OXNAD1: variants seen among roughly 807,000 people sequenced by gnomAD.
The protein encoded by OXNAD1 is oxidoreductase NAD-binding domain-containing protein 1.
OXNAD1 carries 34 observed loss-of-function variants against 32.9 expected under a neutral mutation model. That is an observed-to-expected ratio of 1.03 (90% CI 0.79 to 1.38). OXNAD1 has a LOEUF of 1.38. OXNAD1 is among the 40% of genes most tolerant of loss of function. The probability of loss-of-function intolerance (pLI) is 0.00; values close to 1 mark genes in which losing one functional copy is unlikely to be tolerated. For synonymous variants in OXNAD1, 134 were observed against 135.2 expected, an observed-to-expected ratio of 0.99 and a Z score of 0.06; for missense variants, 407 against 379.4, an observed-to-expected ratio of 1.07 and a Z score of -0.60.
intron 9 of OXNAD1, among the ~76,000 whole-genome samples, chr3:16,324,612 G>GTCCCC (rs1270315325): frequency 1.4e-5 from 1 of 71,066 alleles, no homozygotes; most frequent in Admixed American, 1.5e-4. Flanking sequence ...GAATGTCCCT[G>GTCCCC]ACCCCCCCCC....
At chr3:16,318,878 A>G (rs2068727460) in intron 9 of OXNAD1, among the ~76,000 whole-genome samples, 1 of 152,164 alleles carries the variant, frequency 6.6e-6, no homozygotes, top group Admixed American at 6.5e-5. Context: ...AACTGTGAGG[A>G]TCCCAATAAT....
chr3:16,323,470 G>C (rs780208556), intron 9 of OXNAD1: 1 of 1,605,782 alleles, frequency 6.2e-7, no homozygotes, highest in African/African-American at 1.3e-5. Flanking sequence ...GTAACACACG[G>C]AGCTGAGAAT....
chr3:16,340,300 C>T (rs2071232095), downstream of OXNAD1, among the ~76,000 whole-genome samples: 1 of 152,222 alleles, frequency 6.6e-6, no homozygotes, highest in Admixed American at 6.5e-5. Flanking sequence ...GGGGCTTGCC[C>T]ACTTGCTGCT....
chr3:16,273,691 T>C (rs1403133073), intron 4 of OXNAD1, among the ~76,000 whole-genome samples: 1 of 152,136 alleles, frequency 6.6e-6, no homozygotes, highest in African/African-American at 2.4e-5. Flanking sequence ...ACCTGGCCAG[T>C]ATTTTCTTTT....
At chr3:16,310,991 C>CA (rs1003070321), downstream of OXNAD1, among the ~76,000 whole-genome samples, 15,433 of 57,144 alleles carry the variant, frequency 0.27, 1,528 homozygotes, top group Middle Eastern at 0.36. Flanking sequence ...ACTCAGTCTC[C>CA]AAAAAAAAAA....
intron 9 of OXNAD1, among the ~76,000 whole-genome samples, chr3:16,325,678 C>T (rs1362528787): frequency 2.0e-5 from 3 of 152,144 alleles, no homozygotes; most frequent in African/African-American, 7.2e-5. Flanking sequence ...TTTCCAGTGG[C>T]CAAGGGGCTC....
In OXNAD1 at chr3:16,303,486, T is replaced by A; in HGVS notation, c.863T>A (p.Met288Lys). ...TTCTATATTTGTGGCCCACCTCCAA[T>A]GACAGACTTTTTCTCCAAGCAACTG... Reference protein sequence around the residue: ...TLFYICGPPPMTDFFSKQLEN... With the variant: ...TLFYICGPPPKTDFFSKQLEN... Residue 288 changes from methionine (M) to lysine (K), a missense_variant, in exon 9 of 9, where the codon ATG becomes AAG. Coordinates refer to ENST00000285083, the MANE Select transcript of OXNAD1 (RefSeq NM_138381.5). This position sits in a 1 kb window ranked among gnomAD's most constrained non-coding sequence, Gnocchi z 4.8. 1 of 1,614,098 alleles carries A rather than the reference T, an allele frequency of 6.2e-7. No individual in the cohort carries two copies. The highest frequency in any genetic ancestry group is 8.5e-7 in the Non-Finnish European group (1 of 1,179,958).
chr3:16,277,314 A>G lies in OXNAD1; in HGVS notation c.183+5592A>G, dbSNP rs1400328207. Among the ~76,000 whole-genome samples the G allele has an allele frequency of 2.0e-5, 3 of 152,080 alleles. No individual in the cohort carries two copies. Among genetic ancestry groups the G allele is most frequent in the African/African-American group, 7.2e-5 (3 of 41,398 alleles). ...GAGGAACTGGAGAAAGCTAGATGGT[A>G]TCTGGCTTTCTCAGCAGTATATGGT... On this transcript the variant is annotated intron_variant, in intron 4 of 8. Transcript: ENST00000285083. The surrounding 1 kb of genome is among the most constrained non-coding windows in gnomAD (Gnocchi z 4.3).
Position 16,269,197 on chromosome 3 carries a change from T to G in OXNAD1, c.-87T>G. 1 of 1,530,754 alleles carries G rather than the reference T, an allele frequency of 6.5e-7. No individual in the cohort carries two copies. Among genetic ancestry groups the G allele is most frequent in the Non-Finnish European group, 8.7e-7 (1 of 1,145,444 alleles). 94.8% of individuals were successfully genotyped at this position (1,530,754 alleles called of 1,614,324 possible). A position where few individuals can be genotyped will look rare whatever the true frequency, so the allele number is the denominator to read the frequency against. Reference sequence around the variant, plus strand: ...ACTGCTGTACATCCAAAAGTCTCAGTGTAATAGCAGGACCAAAATATTCTG... The same window carrying G: ...ACTGCTGTACATCCAAAAGTCTCAGGGTAATAGCAGGACCAAAATATTCTG... On this transcript the variant is annotated 5_prime_UTR_variant, in exon 2 of 9. Transcript: ENST00000285083.
chr3:16,317,283 G>T lies in OXNAD1; in HGVS notation c.*30+13691G>T. 6.3e-7 allele frequency: 1 copy of T among 1,584,504 alleles called. No homozygotes were observed. Among genetic ancestry groups the T allele is most frequent in the Non-Finnish European group, 8.6e-7 (1 of 1,167,768 alleles). ...AATAACAAGCCTCCGGGAACCCAGAGCTTCACCCAAAGCCTTGTTTGCATT... is the reference window on the plus strand; with the variant it reads ...AATAACAAGCCTCCGGGAACCCAGATCTTCACCCAAAGCCTTGTTTGCATT... On this transcript the variant is annotated intron_variant, in intron 9 of 9. Coordinates refer to the OXNAD1 transcript ENST00000435829. This position sits in a 1 kb window ranked among gnomAD's most constrained non-coding sequence, Gnocchi z 4.3.
chr3:16,269,054 G>T, intron 1 of OXNAD1, 72 bp from the exon 2 acceptor site: 2 of 1,310,646 alleles, frequency 1.5e-6, no homozygotes, highest in African/African-American at 3.1e-5. Flanking sequence ...CCTTTCCTTT[G>T]GCAGCTAAGA....
exon 10 of OXNAD1, chr3:16,349,944 C>T (rs967742075): frequency 6.6e-6 from 1 of 152,230 alleles, no homozygotes. Flanking sequence ...TCCGGGATCT[C>T]AATCTTTTTT....
intron 9 of OXNAD1, among the ~76,000 whole-genome samples, chr3:16,313,409 A>T (rs1370256279): frequency 6.6e-6 from 1 of 152,006 alleles, no homozygotes; most frequent in Non-Finnish European, 1.5e-5. Flanking sequence ...TGAAGCTTTT[A>T]TCAGACCTGC....
chr3:16,315,552 TTTTTTG>T (rs1431816045), intron 9 of OXNAD1: 64 of 152,284 alleles, frequency 4.2e-4, no homozygotes, highest in African/African-American at 1.4e-3. Flanking sequence ...TGATGTAAGG[TTTTTTG>T]CTTATTTTAA....
Position 16,327,686 on chromosome 3 carries a change from G to A in OXNAD1, c.*31-9426G>A, listed in dbSNP as rs1389376261. 2.6e-5 allele frequency among the ~76,000 whole-genome samples: 4 copies of A among 152,038 alleles called. No individual in the cohort carries two copies. The highest frequency in any genetic ancestry group is 6.5e-5 in the Admixed American group (1 of 15,268). On this transcript the variant is annotated intron_variant, in intron 9 of 9. Coordinates refer to the OXNAD1 transcript ENST00000435829. This position sits in a 1 kb window ranked among gnomAD's most constrained non-coding sequence, Gnocchi z 4.2. ...TGAGGCAGGAGAATGGCGTGAACCCGGGAGGTGGAGCTTGCAGTGAGCTGA... is the reference window on the plus strand; with the variant it reads ...TGAGGCAGGAGAATGGCGTGAACCCAGGAGGTGGAGCTTGCAGTGAGCTGA...
intron 5 of OXNAD1, among the ~76,000 whole-genome samples, chr3:16,291,908 T>C (rs1364521390): frequency 6.6e-6 from 1 of 152,228 alleles, no homozygotes; most frequent in Non-Finnish European, 1.5e-5. Flanking sequence ...TTTGTCTCTT[T>C]GATTATAGCC....
intron 6 of OXNAD1, among the ~76,000 whole-genome samples, chr3:16,300,848 AAT>A (rs752228665): frequency 3.0e-4 from 46 of 152,280 alleles, no homozygotes; most frequent in Admixed American, 5.2e-4. Flanking sequence ...CTGCCCTTTA[AAT>A]GCCAGTTGGA....
downstream of OXNAD1, among the ~76,000 whole-genome samples, chr3:16,308,451 T>C (rs1185277973): frequency 1.3e-5 from 2 of 152,116 alleles, no homozygotes; most frequent in African/African-American, 2.4e-5. The surrounding 1 kb of genome is among the most constrained non-coding windows in gnomAD (Gnocchi z 4.4). Flanking sequence ...TTGTTGCTCC[T>C]ATTTTTTTTT....
chr3:16,292,141 T>C (rs80135125), intron 5 of OXNAD1, among the ~76,000 whole-genome samples: 4,325 of 151,946 alleles, frequency 0.028, 98 homozygotes, highest in Middle Eastern at 0.082. Flanking sequence ...TTAATATTAA[T>C]AGATATATTA....
Sources: gnomAD v4.1 joint callset for allele counts (sites outside exome capture counted in the v4.1 genomes callset) on GRCh38, gnomAD v4.1.1 for gene constraint, Gnocchi (gnomAD v3.1) non-coding constraint, MANE v1.5 for transcripts, NCBI Gene and HGNC (gene_info 2026-07-23, HGNC 2026-07-21) for gene names.